Variants in STK40 observed in about 807,000 individuals in gnomAD.
The protein encoded by STK40 is serine/threonine kinase 40, also known as serine/threonine-protein kinase 40.
In STK40, 13 loss-of-function variants were observed where a neutral mutation model predicts 47.9. The ratio of observed to expected loss-of-function variants is 0.27; its 90% CI spans 0.18 to 0.43. The LOEUF (loss-of-function observed/expected upper bound fraction) is 0.43. Ranked by LOEUF, STK40 falls within the 20% of genes least tolerant of loss-of-function variation. STK40 has a pLI of 1.00. For missense variants in STK40, 460 were observed against 595.1 expected, an observed-to-expected ratio of 0.77 and a Z score of 2.36; for synonymous variants, 225 against 243.2, an observed-to-expected ratio of 0.93 and a Z score of 0.69.
intron 1 of STK40, among the ~76,000 whole-genome samples, chr1:36,378,069 C>T (rs1208138525): frequency 6.6e-6 from 1 of 152,236 alleles, no homozygotes; most frequent in Non-Finnish European, 1.5e-5. Context: ...TGAGCCTAGG[C>T]CCTTAACTGC....
rs1646627641 is a variant in STK40, at chr1:36,339,701, A to T, written c.*2054T>A. On this transcript the variant is annotated 3_prime_UTR_variant, in exon 11 of 11. Transcript: ENST00000373132. ...TAGTACAAAAATATGTCTTTATACAAACTTTTTTGTGACTTTTTCCGTTTC... is the reference window on the plus strand; with the variant it reads ...TAGTACAAAAATATGTCTTTATACATACTTTTTTGTGACTTTTTCCGTTTC... 6.5e-6 allele frequency: 1 copy of T among 152,684 alleles called. No individual in the cohort carries two copies. The highest frequency in any genetic ancestry group is 6.5e-5 in the Admixed American group (1 of 15,290). 9.5% of individuals were successfully genotyped at this position (152,684 alleles called of 1,614,324 possible).
chr1:36,374,045 G>A (rs746918062), intron 1 of STK40, among the ~76,000 whole-genome samples: 3 of 152,230 alleles, frequency 2.0e-5, no homozygotes, highest in Non-Finnish European at 2.9e-5. Context: ...CTCTGCCACC[G>A]CTGCCTTTCC....
intron 1 of STK40, among the ~76,000 whole-genome samples, chr1:36,382,725 A>G (rs1289415945): frequency 6.6e-6 from 1 of 152,202 alleles, no homozygotes; most frequent in African/African-American, 2.4e-5. Flanking sequence ...ACTAATTCCT[A>G]AAAGTTCTTT....
chr1:36,344,660 C>T (rs145136671), intron 7 of STK40, among the ~76,000 whole-genome samples: 1 of 152,354 alleles, frequency 6.6e-6, no homozygotes, highest in East Asian at 1.9e-4. Context: ...CTGCCTCCTT[C>T]ACAGCCCGGA....
At position 36,355,561 on chromosome 1, in the gene STK40, G is replaced by A. The variant is rs1286704114; in HGVS notation, c.343-128C>T. ...GAGCCTGGAATTAGCCTGCATGTGCGGGCCAGAGAGGACTGAGGCCTGGGC... is the reference window on the plus strand; with the variant it reads ...GAGCCTGGAATTAGCCTGCATGTGCAGGCCAGAGAGGACTGAGGCCTGGGC... On this transcript the variant is annotated intron_variant, in intron 4 of 10. Transcript: ENST00000373132. The A allele has an allele frequency of 2.8e-5, 28 of 991,804 alleles. 1 individual carries two copies. The highest frequency in any genetic ancestry group is 1.9e-4 in the South Asian group (13 of 69,324). 61.4% of individuals were successfully genotyped at this position (991,804 alleles called of 1,614,324 possible).
At chr1:36,371,358 T>C (rs1324326860) in intron 1 of STK40, among the ~76,000 whole-genome samples, 1 of 149,620 alleles carries the variant, frequency 6.7e-6, no homozygotes, top group Non-Finnish European at 1.5e-5. Context: ...ATCGAGACCA[T>C]CCTGGCTAAC....
chr1:36,381,154 A>C (rs917346967), intron 1 of STK40, among the ~76,000 whole-genome samples: 1 of 152,088 alleles, frequency 6.6e-6, no homozygotes, highest in Admixed American at 6.5e-5. Flanking sequence ...CCTTGCTGGG[A>C]TTACTGCAAC....
chr1:36,353,432 C>A (rs1646776555), intron 6 of STK40, among the ~76,000 whole-genome samples: 2 of 152,150 alleles, frequency 1.3e-5, no homozygotes, highest in South Asian at 4.1e-4. Context: ...TCTGTCGAGG[C>A]GGGATGACAA....
intron 4 of STK40, among the ~76,000 whole-genome samples, chr1:36,356,026 G>A (rs183913120): frequency 1.3e-5 from 2 of 152,276 alleles, no homozygotes; most frequent in Admixed American, 1.3e-4. Context: ...AGACTGCTGG[G>A]TTCAGGCCCC....
intron 1 of STK40, chr1:36,372,518 G>A (rs190278527): frequency 3.3e-5 from 5 of 151,760 alleles, no homozygotes; most frequent in Non-Finnish European, 7.4e-5. Context: ...GCTGTTGGAA[G>A]AGGTGGGATA....
chr1:36,377,579 G>A (rs1442408606), intron 1 of STK40, among the ~76,000 whole-genome samples: 3 of 151,830 alleles, frequency 2.0e-5, no homozygotes, highest in Non-Finnish European at 4.4e-5. Flanking sequence ...ATCAGGGGAG[G>A]CTGAGCCTCA....
chr1:36,383,986 G>A (rs1436672845), intron 1 of STK40, among the ~76,000 whole-genome samples: 1 of 151,010 alleles, frequency 6.6e-6, no homozygotes, highest in Non-Finnish European at 1.5e-5. Flanking sequence ...TCTCCACTGG[G>A]CTCCCACAGT....
At chr1:36,344,315 C>A in intron 7 of STK40, 51 bp from the exon 8 acceptor site, 1 of 1,518,924 alleles carries the variant, frequency 6.6e-7, no homozygotes. Flanking sequence ...ACCACCGTGG[C>A]TCACCAGCCT....
intron 1 of STK40, among the ~76,000 whole-genome samples, chr1:36,372,423 CAAAAAAA>C (rs796595993): frequency 2.1e-3 from 84 of 39,604 alleles, no homozygotes; most frequent in East Asian, 8.5e-3. Flanking sequence ...GACCTTGTCT[CAAAAAAA>C]AAAAAAAAAA....
rs1646650022 is a variant in STK40 at position 36,341,779 on chromosome 1, C to G, written c.1284G>C (p.Leu428=). Residue 428 remains leucine, a synonymous_variant, in exon 11 of 11, where the codon CTG becomes CTC. Transcript: ENST00000373132. ...GTTATTTCCGCAGGTAGCGCTGCGC[C>G]AGGATGGCCGTGTCCAAGGAGGTCA... ...QPMTSLDTAI[L]AQRYLRK 6.2e-7 allele frequency: 1 copy of G among 1,612,060 alleles called. No homozygotes were observed. The highest frequency in any genetic ancestry group is 1.3e-5 in the African/African-American group (1 of 75,012).
At chr1:36,346,162 T>C (rs1419502197) in intron 7 of STK40, among the ~76,000 whole-genome samples, 1 of 150,352 alleles carries the variant, frequency 6.7e-6, no homozygotes, top group Non-Finnish European at 1.5e-5. Context: ...GCCCGGCTAA[T>C]TTTTTTTATT....
chr1:36,372,423 C>CAAAAAAAAA (rs796595993), intron 1 of STK40, among the ~76,000 whole-genome samples: 5 of 39,558 alleles, frequency 1.3e-4, no homozygotes, highest in East Asian at 7.1e-4. Context: ...GACCTTGTCT[C>CAAAAAAAAA]AAAAAAAAAA....
At chr1:36,358,479 G>A in intron 3 of STK40, 97 bp from the exon 4 acceptor site, 3 of 1,481,956 alleles carry the variant, frequency 2.0e-6, no homozygotes, top group Non-Finnish European at 2.7e-6. Context: ...TTTACCACAT[G>A]ACATTTGTGC....
At chr1:36,358,493 A>C in intron 3 of STK40, 111 bp from the exon 4 acceptor site, 1 of 1,406,448 alleles carries the variant, frequency 7.1e-7, no homozygotes, top group South Asian at 1.3e-5. Context: ...TTTGTGCACA[A>C]TGCACACACA....
Sources: gnomAD v4.1 joint callset for allele counts (sites outside exome capture counted in the v4.1 genomes callset) on GRCh38, gnomAD v4.1.1 for gene constraint, MANE v1.5 for transcripts, NCBI Gene and HGNC (gene_info 2026-07-23, HGNC 2026-07-21) for gene names.